COL5A2: variants seen among roughly 807,000 people sequenced by gnomAD.
COL5A2 encodes collagen type V alpha 2 chain, also known as collagen alpha-2(V) chain.
COL5A2 carries 23 observed loss-of-function variants against 208.2 expected under a neutral mutation model. The ratio of observed to expected loss-of-function variants is 0.11; its 90% CI spans 0.08 to 0.16. COL5A2 has a LOEUF of 0.16. Among genes scored for constraint, COL5A2 ranks in the 10% least tolerant of loss-of-function variants. The pLI is 1.00. For missense variants in COL5A2, 1,590 were observed against 1,956.4 expected, an observed-to-expected ratio of 0.81 and a Z score of 3.53; for synonymous variants, 625 against 628.5, an observed-to-expected ratio of 0.99 and a Z score of 0.08.
intron 53 of COL5A2, 34 bp downstream of exon 53, chr2:189,034,882 T>C (rs1291368697): frequency 6.2e-7 from 1 of 1,613,412 alleles, no homozygotes; most frequent in South Asian, 1.1e-5. Flanking sequence ...TTTTTTTTCC[T>C]CAACCAGATC....
chr2:189,240,234 T>TA, the COL5A2 span, among the ~76,000 whole-genome samples: 2 of 152,176 alleles, frequency 1.3e-5, no homozygotes, highest in Non-Finnish European at 2.9e-5. Flanking sequence ...ATTTGTTTCT[T>TA]ATAGTTCTGG....
chr2:189,360,742 G>C, the COL5A2 span, among the ~76,000 whole-genome samples: 5,534 of 152,098 alleles, frequency 0.036, 118 homozygotes, highest in Admixed American at 0.05. Context: ...ACCCACATGC[G>C]TTAGCTATTT....
rs757065474 is a variant in COL5A2 at position 189,066,731 on chromosome 2, G to C, written c.1453C>G (p.Pro485Ala). 2.5e-6 allele frequency: 4 copies of C among 1,611,940 alleles called. No individual in the cohort carries two copies. Among genetic ancestry groups the C allele is most frequent in the Non-Finnish European group, 3.4e-6 (4 of 1,178,342 alleles). Residue 485 changes from proline (P) to alanine (A), a missense_variant and splice_region_variant, in exon 22 of 54, where the codon CCA becomes GCA. Coordinates refer to ENST00000374866, the MANE Select transcript of COL5A2 (RefSeq NM_000393.5). ...TCATTAAAACAATGAAACCTTACTG[G>C]TTCCCCTTTTGGGCCAGCTTCTCCT... ...FKGEAGPKGE[P>A]GPHGIQGPIG...
At chr2:189,145,928 T>C (rs1254968309) in intron 1 of COL5A2, among the ~76,000 whole-genome samples, 1 of 151,986 alleles carries the variant, frequency 6.6e-6, no homozygotes, top group Non-Finnish European at 1.5e-5. Flanking sequence ...TGTACATGAG[T>C]GAGGTAATGA....
At chr2:189,054,419 A>G (rs568715014) in intron 35 of COL5A2, among the ~76,000 whole-genome samples, 1 of 152,282 alleles carries the variant, frequency 6.6e-6, no homozygotes, top group Non-Finnish European at 1.5e-5. Flanking sequence ...TTTTCTCCAC[A>G]CAGTGTTTTA....
rs774266964 is a variant in COL5A2 at position 189,058,627 on chromosome 2, T to G, written c.2131-100A>C. 2.4e-5 allele frequency: 27 copies of G among 1,122,302 alleles called. No individual in the cohort carries two copies. The Admixed American group carries it at 4.2e-4, about 17-fold the overall frequency. The allele number at this position is 1,122,302 out of a possible 1,614,324, so 69.5% of individuals were successfully genotyped here. A position where few individuals can be genotyped will look rare whatever the true frequency, so the allele number is the denominator to read the frequency against. The stretch of plus-strand genomic sequence containing the variant: ...CTTCTACTGCGGAAAAATTCAGAAA[T>G]GAGACATTACTAAATCTCAATTTTC... On this transcript the variant is annotated intron_variant, in intron 32 of 53. Transcript: ENST00000374866.
chr2:189,338,196 C>A, the COL5A2 span, among the ~76,000 whole-genome samples: 2 of 152,084 alleles, frequency 1.3e-5, no homozygotes, highest in South Asian at 4.1e-4. Flanking sequence ...GGCATAGTCC[C>A]CCTTGCATAT....
chr2:189,160,909 C>T (rs1349635680), intron 1 of COL5A2, among the ~76,000 whole-genome samples: 1 of 147,614 alleles, frequency 6.8e-6, no homozygotes, highest in South Asian at 2.2e-4. Context: ...CAGCTTGCTG[C>T]AACCTCTGCC....
the COL5A2 span, among the ~76,000 whole-genome samples, chr2:189,363,576 A>T: frequency 0.036 from 5,544 of 152,240 alleles, 116 homozygotes; most frequent in Admixed American, 0.05. Flanking sequence ...TTTTTTCAAC[A>T]TTATTACTTA....
At chr2:189,282,177 C>T in the COL5A2 span, among the ~76,000 whole-genome samples, 1 of 151,950 alleles carries the variant, frequency 6.6e-6, no homozygotes, top group African/African-American at 2.4e-5. Context: ...AAGAGCAAGA[C>T]TCCATCTCAA....
At chr2:189,222,297 G>T (rs1327610053) in intron 1 of COL5A2, among the ~76,000 whole-genome samples, 1 of 152,136 alleles carries the variant, frequency 6.6e-6, no homozygotes, top group Non-Finnish European at 1.5e-5. Context: ...GATTCAGTAG[G>T]ATTGAGGGTG....
At chr2:189,061,645 A>T in intron 29 of COL5A2, 30 bp from the exon 30 acceptor site, 2 of 1,533,538 alleles carry the variant, frequency 1.3e-6, no homozygotes, top group Non-Finnish European at 1.8e-6. Context: ...ATAATTGTGA[A>T]TATAACCAGA....
chr2:189,078,605 C>A lies in COL5A2; in HGVS notation c.1006-36G>T, dbSNP rs1686463475. The A allele has an allele frequency of 1.0e-5, 16 of 1,558,566 alleles. No homozygotes were observed. The South Asian group carries it at 1.6e-4, about 15-fold the overall frequency. ...TAGAGAAGAAATGTCTCTTGAAGCACCTAATTTGAAATGTAGAGTAGTCTG... is the reference window on the plus strand; with the variant it reads ...TAGAGAAGAAATGTCTCTTGAAGCAACTAATTTGAAATGTAGAGTAGTCTG... On this transcript the variant is annotated intron_variant, in intron 15 of 53. Coordinates refer to ENST00000374866, the MANE Select transcript of COL5A2 (RefSeq NM_000393.5).
At chr2:189,244,280 GCT>G in the COL5A2 span, among the ~76,000 whole-genome samples, 6 of 152,142 alleles carry the variant, frequency 3.9e-5, no homozygotes, top group African/African-American at 7.2e-5. Flanking sequence ...AAAATTTTAT[GCT>G]CTGTTTCCCT....
chr2:189,068,343 G>T, intron 19 of COL5A2, 73 bp from the exon 20 acceptor site: 1 of 1,246,998 alleles, frequency 8.0e-7, no homozygotes, highest in Non-Finnish European at 1.2e-6. Context: ...GTATACAGAT[G>T]TCCAGCCATC....
rs893184481 is a variant in COL5A2, at chr2:189,032,652, T to G, written c.*1418A>C. On this transcript the variant is annotated 3_prime_UTR_variant, in exon 54 of 54. Transcript: ENST00000374866. Reference sequence around the variant, plus strand: ...ATTAAAATAGAGCCAACAAATGCAATTAAGAAAAAAAAAGTATTGAGACAC... The same window carrying G: ...ATTAAAATAGAGCCAACAAATGCAAGTAAGAAAAAAAAAGTATTGAGACAC... The G allele has an allele frequency of 6.6e-6, 1 of 151,946 alleles. No individual in the cohort carries two copies. Among genetic ancestry groups the G allele is most frequent in the Non-Finnish European group, 1.5e-5 (1 of 67,890 alleles). The allele number at this position is 151,946 out of a possible 1,614,324, so 9.4% of individuals were successfully genotyped here.
At chr2:189,040,580 C>A (rs1685539241) in intron 50 of COL5A2, among the ~76,000 whole-genome samples, 1 of 152,118 alleles carries the variant, frequency 6.6e-6, no homozygotes, top group South Asian at 2.1e-4. Flanking sequence ...TTGGCTCTGC[C>A]ACTTGTTATA....
At chr2:189,394,236 A>T in the COL5A2 span, among the ~76,000 whole-genome samples, 28 of 152,236 alleles carry the variant, frequency 1.8e-4, no homozygotes, top group Admixed American at 1.8e-3. Flanking sequence ...ATATGAATTG[A>T]AGAGTATAAG....
At chr2:189,231,945 C>G in the COL5A2 span, among the ~76,000 whole-genome samples, 1 of 151,544 alleles carries the variant, frequency 6.6e-6, no homozygotes, top group African/African-American at 2.4e-5. Context: ...GGTGACACAG[C>G]AAGAGAGTAA....
Sources: allele counts gnomAD v4.1 joint callset (sites outside exome capture counted in the v4.1 genomes callset), GRCh38; gene constraint gnomAD v4.1.1; transcripts MANE v1.5; gene names NCBI Gene and HGNC (gene_info 2026-07-23, HGNC 2026-07-21).